Variants in SNPH observed in about 807,000 individuals in gnomAD.
The protein encoded by SNPH is syntaphilin.
A neutral mutation model predicts 36.8 loss-of-function variants in SNPH; 10 were observed. The ratio of observed to expected loss-of-function variants is 0.27; its 90% CI spans 0.17 to 0.46. The LOEUF is 0.46. Ranked by LOEUF, SNPH falls within the 20% of genes least tolerant of loss-of-function variation. The probability of loss-of-function intolerance (pLI) is 1.00; values close to 1 mark genes in which losing one functional copy is unlikely to be tolerated. For synonymous variants in SNPH, 281 were observed against 312.2 expected, an observed-to-expected ratio of 0.90 and a Z score of 1.05; for missense variants, 622 against 744.0, an observed-to-expected ratio of 0.84 and a Z score of 1.91.
intron 2 of SNPH, among the ~76,000 whole-genome samples, chr20:1,267,519 C>T (rs1432281892): frequency 6.6e-6 from 1 of 152,096 alleles, no homozygotes; most frequent in Non-Finnish European, 1.5e-5. Context: ...AGGAAAGTGC[C>T]AGAGATTGGG....
chr20:1,307,499 A>C lies in SNPH; in HGVS notation c.*1445A>C, dbSNP rs1443541132. Reference sequence around the variant, plus strand: ...TTACACCCATCTGGTTGTCCCACCCACTCTTCAGAGGCTAGGCCCCACCTC... The same window carrying C: ...TTACACCCATCTGGTTGTCCCACCCCCTCTTCAGAGGCTAGGCCCCACCTC... On this transcript the variant is annotated 3_prime_UTR_variant, in exon 7 of 7. Coordinates refer to ENST00000381867, the MANE Select transcript of SNPH (RefSeq NM_001318234.2). The C allele has an allele frequency of 6.6e-6, 1 of 151,926 alleles. No homozygotes were observed. The highest frequency in any genetic ancestry group is 2.4e-5 in the African/African-American group (1 of 41,302). 9.4% of individuals were successfully genotyped at this position (151,926 alleles called of 1,614,324 possible).
At position 1,276,678 on chromosome 20, in the gene SNPH, C is replaced by G. The variant is rs548967596; in HGVS notation, c.-493+9918C>G. Among the ~76,000 whole-genome samples, 2 of 152,306 alleles carry G rather than the reference C, an allele frequency of 1.3e-5. No homozygotes were observed. Among genetic ancestry groups the G allele is most frequent in the South Asian group, 2.1e-4 (1 of 4,822 alleles). ...TAATAAATGCCAGTACCCTTTCATC[C>G]GTGTTGTATAGGAATCACTTTATAA... On this transcript the variant is annotated intron_variant, in intron 2 of 6. Transcript: ENST00000381867. The surrounding 1 kb of genome is among the most constrained non-coding windows in gnomAD (Gnocchi z 4.6).
At position 1,276,447 on chromosome 20, in the gene SNPH, T is replaced by C. The variant is rs2088133008; in HGVS notation, c.-493+9687T>C. Among the ~76,000 whole-genome samples, 1 of 152,152 alleles carries C rather than the reference T, an allele frequency of 6.6e-6. No individual in the cohort carries two copies. The highest frequency in any genetic ancestry group is 2.4e-5 in the African/African-American group (1 of 41,436). ...GGATACACTTGGACTGCTGTCTCCG[T>C]CTCTGCCGTGGACTGACTTTGTGAC... On this transcript the variant is annotated intron_variant, in intron 2 of 6. Transcript: ENST00000381867. This position sits in a 1 kb window ranked among gnomAD's most constrained non-coding sequence, Gnocchi z 4.6.
In SNPH at chr20:1,284,169, C is replaced by T. The variant is rs904939134; in HGVS notation, c.-492-10782C>T. On this transcript the variant is annotated intron_variant, in intron 2 of 6. Transcript: ENST00000381867. ...TTTTCAAAGATGAATAAAACTCTTC[C>T]AGCTCATAACCTAGCAGGAGAGACA... 1.2e-4 allele frequency among the ~76,000 whole-genome samples: 18 copies of T among 152,290 alleles called. 1 individual carries two copies. The highest frequency in any genetic ancestry group is 1.1e-3 in the Admixed American group (17 of 15,300).
At chr20:1,280,317 C>T (rs78759901) in intron 2 of SNPH, among the ~76,000 whole-genome samples, 5,457 of 152,262 alleles carry the variant, frequency 0.036, 319 homozygotes, top group African/African-American at 0.12. Flanking sequence ...TACTGGTGCA[C>T]GATGTGCTCT....
chr20:1,293,935 C>G (rs2088395454), intron 2 of SNPH, among the ~76,000 whole-genome samples: 1 of 152,230 alleles, frequency 6.6e-6, no homozygotes, highest in South Asian at 2.1e-4. Flanking sequence ...CCTCCCAGGA[C>G]TGGGCCTAGC....
At chr20:1,290,088 T>C (rs1477532571) in intron 2 of SNPH, among the ~76,000 whole-genome samples, 1 of 151,868 alleles carries the variant, frequency 6.6e-6, no homozygotes, top group East Asian at 1.9e-4. Flanking sequence ...TGTGCGTGCC[T>C]GTAATCCCAG....
Position 1,305,983 on chromosome 20 carries a change from A to G in SNPH, c.1546A>G (p.Ile516Val). The G allele has an allele frequency of 6.5e-7, 1 of 1,543,774 alleles. No individual in the cohort carries two copies. The highest frequency in any genetic ancestry group is 8.7e-7 in the Non-Finnish European group (1 of 1,144,560). ...RGCCTVALHS[I>V]RRISCRSLSQ... ...CTGCTGCACTGTGGCCTTGCACTCC[A>G]TCCGCAGGATCAGCTGCCGCTCGCT... Residue 516 changes from isoleucine to valine, a missense_variant, in exon 7 of 7, where the codon ATC becomes GTC. Ile to Val is a conservative substitution (Grantham distance 29). This residue lies in a region of SNPH where 379 missense variants were observed against 427.9 expected (regional missense o/e 0.89). Coordinates refer to ENST00000381867, the MANE Select transcript of SNPH (RefSeq NM_001318234.2).
intron 4 of SNPH, 89 bp downstream of exon 4, chr20:1,296,510 T>TCAA: frequency 4.9e-5 from 57 of 1,171,818 alleles, no homozygotes; most frequent in Non-Finnish European, 6.7e-5. Flanking sequence ...ACTTGCAGTA[T>TCAA]GTGTTTGAGC....
At chr20:1,300,750 C>A (rs756539139) in intron 6 of SNPH, 39 bp downstream of exon 6, 3 of 1,579,056 alleles carry the variant, frequency 1.9e-6, no homozygotes, top group Non-Finnish European at 2.6e-6. Context: ...GGGTACCCCA[C>A]CAGCTCCACA....
At position 1,297,170 on chromosome 20, in the gene SNPH, C is replaced by T. The variant is rs772414070; in HGVS notation, c.208C>T (p.Arg70Trp). ...GCGCACCTCTCCACCTGTGAGCGTG[C>T]GGGATGCCTACGGCACCTCTTCGCT... ...RRRTSPPVSVRDAYGTSSLSS... is the reference protein window; with the variant it reads ...RRRTSPPVSVWDAYGTSSLSS... Residue 70 changes from arginine to tryptophan, a missense_variant, in exon 5 of 7, where the codon CGG becomes TGG. Physicochemically the swap from Arg to Trp is moderately radical, Grantham distance 101. This residue lies in a region of SNPH where 187 missense variants were observed against 209.4 expected (regional missense o/e 0.89). Coordinates refer to ENST00000381867, the MANE Select transcript of SNPH (RefSeq NM_001318234.2). 16 of 1,613,490 alleles carry T rather than the reference C, an allele frequency of 9.9e-6. No homozygotes were observed. Among genetic ancestry groups the T allele is most frequent in the South Asian group, 2.2e-5 (2 of 90,988 alleles).
At position 1,305,604 on chromosome 20, in the gene SNPH, G is replaced by T; in HGVS notation, c.1167G>T (p.Gly389=). ...AQVCGTDPES[G]DRCPELDAHP... ...TCTGTGGGACAGACCCTGAGTCAGGGGACAGGTGCCCAGAGCTGGATGCCC... is the reference window on the plus strand; with the variant it reads ...TCTGTGGGACAGACCCTGAGTCAGGTGACAGGTGCCCAGAGCTGGATGCCC... The change falls in exon 7 of 7, where the codon GGG becomes GGT. Residue 389 remains glycine (G), a synonymous_variant. Transcript: ENST00000381867. 2 of 1,613,574 alleles carry T rather than the reference G, an allele frequency of 1.2e-6. No individual in the cohort carries two copies. Among genetic ancestry groups the T allele is most frequent in the Non-Finnish European group, 8.5e-7 (1 of 1,180,032 alleles).
intron 2 of SNPH, among the ~76,000 whole-genome samples, chr20:1,272,032 A>G (rs2088078812): frequency 6.6e-6 from 1 of 152,256 alleles, no homozygotes; most frequent in African/African-American, 2.4e-5. Flanking sequence ...TCATAAAATA[A>G]GAGAAAGAAC....
At chr20:1,301,069 C>G (rs1176358208) in intron 6 of SNPH, among the ~76,000 whole-genome samples, 1 of 152,244 alleles carries the variant, frequency 6.6e-6, no homozygotes, top group East Asian at 1.9e-4. Context: ...CACAGGGCTT[C>G]TTTCTGACTT....
At chr20:1,303,682 G>C (rs919393042) in intron 6 of SNPH, among the ~76,000 whole-genome samples, 4 of 152,124 alleles carry the variant, frequency 2.6e-5, no homozygotes, top group Admixed American at 6.5e-5. Flanking sequence ...AGTCCCTCCA[G>C]CGTATTGTGG....
At chr20:1,269,601 A>T (rs1352349542) in intron 2 of SNPH, among the ~76,000 whole-genome samples, 2 of 152,186 alleles carry the variant, frequency 1.3e-5, no homozygotes, top group African/African-American at 4.8e-5. Context: ...AGCTGTGAAC[A>T]ATTTACGGTG....
At chr20:1,298,411 ACAG>A (rs1284846612) in intron 5 of SNPH, among the ~76,000 whole-genome samples, 2 of 152,182 alleles carry the variant, frequency 1.3e-5, no homozygotes, top group Non-Finnish European at 1.5e-5. Flanking sequence ...AGCCACTGAA[ACAG>A]CAGCTGTTAG....
chr20:1,278,464 TCAC>T (rs1280149968), intron 2 of SNPH, among the ~76,000 whole-genome samples: 2 of 152,186 alleles, frequency 1.3e-5, no homozygotes, highest in African/African-American at 4.8e-5. Context: ...GATGAAACCA[TCAC>T]CACAATTAGG....
At position 1,306,036 on chromosome 20, in the gene SNPH, C is replaced by T. The variant is rs760109867; in HGVS notation, c.1599C>T (p.Gly533=). 30 of 1,476,978 alleles carry T rather than the reference C, an allele frequency of 2.0e-5. No homozygotes were observed. Among genetic ancestry groups the T allele is most frequent in the Middle Eastern group, 3.9e-4 (2 of 5,108 alleles). The allele number at this position is 1,476,978 out of a possible 1,614,324, so 91.5% of individuals were successfully genotyped here. Residue 533 remains glycine (G), a synonymous_variant, in exon 7 of 7, where the codon GGC becomes GGT. Coordinates refer to ENST00000381867, the MANE Select transcript of SNPH (RefSeq NM_001318234.2). ...GCCAGCCGAGTCCCAGCCCAGCGGG[C>T]GGCGGCTCCCAGCTCTGAGGGGGCC... ...SLSQPSPSPA[G]GGSQL is the part of the protein sequence containing the mutation.
Sources: allele counts gnomAD v4.1 joint callset (sites outside exome capture counted in the v4.1 genomes callset), GRCh38; gene constraint gnomAD v4.1.1; regional missense constraint gnomAD v4.1.1; non-coding constraint Gnocchi (gnomAD v3.1); transcripts MANE v1.5; gene names NCBI Gene and HGNC (gene_info 2026-07-23, HGNC 2026-07-21).